The following DENND2D variants were observed in gnomAD, a reference collection of about 807,000 sequenced individuals.
DENND2D encodes DENN domain-containing protein 2D.
DENND2D carries 37 observed loss-of-function variants against 59.8 expected under a neutral mutation model. The ratio of observed to expected loss-of-function variants is 0.62; its 90% CI spans 0.48 to 0.81. DENND2D has a LOEUF of 0.81. Ranked by LOEUF, DENND2D falls within the 40% of genes least tolerant of loss-of-function variation. DENND2D has a pLI of 0.00. For synonymous variants in DENND2D, 219 were observed against 211.3 expected (o/e 1.04, Z -0.31); for missense variants, 525 against 579.7 (o/e 0.91, Z 0.97).
rs1207046357 is a variant in DENND2D at position 111,199,472 on chromosome 1, A to G, written c.243+151T>C. ...ATAACAGAGAACTGGGGCTGTGCTAAGAAGGAAATGGAGAGCAGTGAGCTC... is the reference window on the plus strand; with the variant it reads ...ATAACAGAGAACTGGGGCTGTGCTAGGAAGGAAATGGAGAGCAGTGAGCTC... On this transcript the variant is annotated intron_variant, in intron 2 of 11. Coordinates refer to ENST00000357640, the MANE Select transcript of DENND2D (RefSeq NM_024901.5). The G allele has an allele frequency of 4.6e-6, 4 of 860,968 alleles. No homozygotes were observed. The African/African-American group carries it at 5.1e-5, about 11-fold the overall frequency. The allele number at this position is 860,968 out of a possible 1,614,324, so 53.3% of individuals were successfully genotyped here. A position where few individuals can be genotyped will look rare whatever the true frequency, so the allele number is the denominator to read the frequency against.
At position 111,188,206 on chromosome 1, in the gene DENND2D, C is replaced by A; in HGVS notation, c.1264G>T (p.Val422Leu). 1 of 1,614,168 alleles carries A rather than the reference C, an allele frequency of 6.2e-7. No individual in the cohort carries two copies. Among genetic ancestry groups the A allele is most frequent in the South Asian group, 1.1e-5 (1 of 91,078 alleles). ...AGCTGTGTCTTCACAAACTTCTTCACAAATCGGCGGTTGGTCTTGGAGGTC... is the reference window on the plus strand; with the variant it reads ...AGCTGTGTCTTCACAAACTTCTTCAAAAATCGGCGGTTGGTCTTGGAGGTC... Reference protein sequence around the residue: ...ALTSKTNRRFVKKFVKTQLFS... With the variant: ...ALTSKTNRRFLKKFVKTQLFS... The change falls in exon 11 of 12, where the codon GTG (valine) becomes TTG (leucine). Residue 422 changes from valine (V) to leucine (L), a missense_variant. By Grantham distance (32) the Val-to-Leu change is conservative. Coordinates refer to ENST00000357640, the MANE Select transcript of DENND2D (RefSeq NM_024901.5).
upstream of DENND2D, chr1:111,204,278 T>A (rs1659099849): frequency 6.8e-7 from 1 of 1,465,492 alleles, no homozygotes. Context: ...CCCCGCGCTC[T>A]CCCCGGCCGG....
At chr1:111,203,968 G>A (rs1265714889), upstream of DENND2D, among the ~76,000 whole-genome samples, 1 of 152,106 alleles carries the variant, frequency 6.6e-6, no homozygotes, top group Non-Finnish European at 1.5e-5. Flanking sequence ...CAACCGGGGC[G>A]CTTTCAGGCA....
chr1:111,200,742 GT>G, upstream of DENND2D: 1 of 1,236,338 alleles, frequency 8.1e-7, no homozygotes, highest in Non-Finnish European at 1.0e-6. Flanking sequence ...GCCCCAGGGT[GT>G]GGCGAGAGAA....
In DENND2D at chr1:111,198,695, G is replaced by A; in HGVS notation, c.291C>T (p.Leu97=). The change falls in exon 3 of 12, where the codon CTC becomes CTT. Residue 97 remains leucine (L), a synonymous_variant. Coordinates refer to ENST00000357640, the MANE Select transcript of DENND2D (RefSeq NM_024901.5). ...GGAAGCAGAACAAGGGGATAGCTTT[G>A]AGCAGCCGCTCCTCCTCCTCCTGCT... ...RGQQEEEERL[L]KAIPLFCFPD... 6.2e-7 allele frequency: 1 copy of A among 1,614,164 alleles called. No individual in the cohort carries two copies. The highest frequency in any genetic ancestry group is 1.1e-5 in the South Asian group (1 of 91,080).
At chr1:111,197,401 C>A in intron 4 of DENND2D, 148 bp from the exon 5 acceptor site, 3 of 1,458,050 alleles carry the variant, frequency 2.1e-6, no homozygotes, top group Non-Finnish European at 2.7e-6. Flanking sequence ...TGGCCACCAG[C>A]ATCAAAAGAA....
chr1:111,189,421 C>G (rs1163100119), intron 8 of DENND2D, 168 bp from the exon 9 acceptor site: 1 of 676,188 alleles, frequency 1.5e-6, no homozygotes, highest in African/African-American at 1.8e-5. Context: ...TCACCATTCC[C>G]CTCTGGAGAT....
At chr1:111,197,741 G>A in intron 4 of DENND2D, 179 bp downstream of exon 4, 2 of 1,430,832 alleles carry the variant, frequency 1.4e-6, no homozygotes, top group Non-Finnish European at 1.8e-6. Context: ...GGGGCATCAG[G>A]TCCTCGTGCT....
chr1:111,199,639 G>A lies in DENND2D; in HGVS notation c.227C>T (p.Thr76Ile), dbSNP rs774094945. 2 of 1,613,496 alleles carry A rather than the reference G, an allele frequency of 1.2e-6. No homozygotes were observed. The highest frequency in any genetic ancestry group is 2.7e-5 in the African/African-American group (2 of 74,896). ...RSEDDYEPII[T>I]YQFPKRENLL... ...AGTCCTTACCTTGGGAAATTGGTAGGTGATTATAGGCTCGTAATCATCCTC... is the reference window on the plus strand; with the variant it reads ...AGTCCTTACCTTGGGAAATTGGTAGATGATTATAGGCTCGTAATCATCCTC... Residue 76 changes from threonine to isoleucine, a missense_variant, in exon 2 of 12, where the codon ACC becomes ATC. By Grantham distance (89) the Thr-to-Ile change is moderately conservative. This residue lies in a region of DENND2D where 253 missense variants were observed against 246.4 expected (regional missense o/e 1.03). Transcript: ENST00000357640.
At chr1:111,188,659 CT>C in intron 10 of DENND2D, 42 bp downstream of exon 10, 1 of 1,534,220 alleles carries the variant, frequency 6.5e-7, no homozygotes, top group Non-Finnish European at 9.0e-7. Flanking sequence ...GAAGCATGCC[CT>C]TGCACTGCCT....
At chr1:111,200,209 A>ATGTGACAT (rs1658663438) in intron 1 of DENND2D, 184 bp downstream of exon 1, 1 of 715,194 alleles carries the variant, frequency 1.4e-6, no homozygotes, top group African/African-American at 1.8e-5. Context: ...TGACCACACT[A>ATGTGACAT]GCCCCAGAGA....
At chr1:111,190,163 CAAAAAA>C in intron 8 of DENND2D, among the ~76,000 whole-genome samples, 1 of 85,254 alleles carries the variant, frequency 1.2e-5, no homozygotes, top group East Asian at 3.4e-4. Context: ...GACTCTGTCT[CAAAAAA>C]AAAAAAAAAA....
intron 9 of DENND2D, 133 bp downstream of exon 9, chr1:111,189,079 G>A: frequency 2.9e-6 from 3 of 1,029,328 alleles, no homozygotes; most frequent in South Asian, 1.5e-5. Flanking sequence ...CCTTGAGAGA[G>A]ATGTGGTCTT....
At chr1:111,191,248 T>G (rs1007534664) in intron 8 of DENND2D, among the ~76,000 whole-genome samples, 2 of 152,208 alleles carry the variant, frequency 1.3e-5, no homozygotes, top group Non-Finnish European at 1.5e-5. Flanking sequence ...AAACACAGCC[T>G]TCTTCTTTAC....
At chr1:111,191,499 G>A (rs1457798647) in intron 8 of DENND2D, among the ~76,000 whole-genome samples, 2 of 152,158 alleles carry the variant, frequency 1.3e-5, no homozygotes, top group Admixed American at 6.5e-5. Flanking sequence ...TTTTCCAACA[G>A]CGGGGATAGA....
chr1:111,193,357 G>A (rs1456220698), intron 7 of DENND2D, among the ~76,000 whole-genome samples: 1 of 152,178 alleles, frequency 6.6e-6, no homozygotes. Flanking sequence ...CGTCTGAGAG[G>A]TGAATCCTGC....
chr1:111,190,374 C>T (rs1334937922), intron 8 of DENND2D, among the ~76,000 whole-genome samples: 2 of 152,176 alleles, frequency 1.3e-5, no homozygotes, highest in African/African-American at 4.8e-5. Flanking sequence ...AGGGAGCCTT[C>T]AGTCTAGACC....
At chr1:111,204,284 G>T, upstream of DENND2D, 1 of 1,472,800 alleles carries the variant, frequency 6.8e-7, no homozygotes, top group Non-Finnish European at 8.9e-7. Context: ...GCTCTCCCCG[G>T]CCGGCACTAA....
At chr1:111,190,794 C>A (rs969901253) in intron 8 of DENND2D, among the ~76,000 whole-genome samples, 1 of 152,184 alleles carries the variant, frequency 6.6e-6, no homozygotes, top group African/African-American at 2.4e-5. Flanking sequence ...ATAGAGCATG[C>A]ACTGTAATTA....
Sources: gnomAD v4.1 joint callset for allele counts (sites outside exome capture counted in the v4.1 genomes callset) on GRCh38, gnomAD v4.1.1 for gene constraint, gnomAD v4.1.1 regional missense constraint, MANE v1.5 for transcripts, NCBI Gene and HGNC (gene_info 2026-07-23, HGNC 2026-07-21) for gene names.